Variants in UMAD1 observed in about 807,000 individuals in gnomAD.
UMAD1 encodes UBAP1-MVB12-associated (UMA) domain containing 1, also known as UBAP1-MVB12-associated (UMA)-domain containing protein 1.
Under a neutral mutation model 6.1 loss-of-function variants are expected in UMAD1, and 8 were observed. The ratio of observed to expected loss-of-function variants is 1.30; its 90% CI spans 0.76 to 2.35. The LOEUF is 2.35. Among genes scored for constraint, UMAD1 ranks in the 30% most tolerant of loss-of-function variants. The pLI is 0.00. For missense variants in UMAD1, 130 were observed against 78.4 expected (o/e 1.66, Z -2.49); for synonymous variants, 56 against 31.4 (o/e 1.78, Z -2.61).
rs116988301 is a variant in UMAD1 at position 7,680,438 on chromosome 7, A to G, written c.82+6985A>G. 7.5e-3 allele frequency among the ~76,000 whole-genome samples: 1,146 copies of G among 152,168 alleles called. 15 individuals carry two copies. The highest frequency in any genetic ancestry group is 0.011 in the Non-Finnish European group (753 of 67,992). ...CCGGTACTGTGCTATTTTAGTTACT[A>G]TAGCTTTTTAGTATAATTTGAAGTC... On this transcript the variant is annotated intron_variant, in intron 2 of 3. Coordinates refer to ENST00000682710, the MANE Select transcript of UMAD1 (RefSeq NM_001302348.2).
At chr7:7,691,026 C>G (rs1419380237) in intron 2 of UMAD1, among the ~76,000 whole-genome samples, 3 of 152,160 alleles carry the variant, frequency 2.0e-5, no homozygotes, top group Non-Finnish European at 4.4e-5. Flanking sequence ...GCATGTAGAG[C>G]TCAGCATGGT....
At chr7:7,837,667 A>G (rs1783596474) in intron 3 of UMAD1, among the ~76,000 whole-genome samples, 1 of 152,012 alleles carries the variant, frequency 6.6e-6, no homozygotes, top group Non-Finnish European at 1.5e-5. Flanking sequence ...TTAAAAAAAG[A>G]AGAGAAAAAG....
In UMAD1 at chr7:7,728,443, A is replaced by T. The variant is rs1176587828; in HGVS notation, c.82+54990A>T. On this transcript the variant is annotated intron_variant, in intron 2 of 3. Transcript: ENST00000682710. ...GGCGGATCATGAGGTCAGGAGGTTG[A>T]GACCAGCCTGACCAACATGGTGAAA... 6.6e-5 allele frequency among the ~76,000 whole-genome samples: 10 copies of T among 152,316 alleles called. 1 individual carries two copies. Among genetic ancestry groups the T allele is most frequent in the South Asian group, 6.2e-4 (3 of 4,824 alleles).
intron 3 of UMAD1, among the ~76,000 whole-genome samples, chr7:7,827,153 G>A (rs1480874958): frequency 6.7e-6 from 1 of 149,218 alleles, no homozygotes; most frequent in Non-Finnish European, 1.5e-5. Context: ...ATATATGTGT[G>A]TGTGTGTGTG....
chr7:7,870,156 A>T (rs1784308029), intron 3 of UMAD1, among the ~76,000 whole-genome samples: 1 of 152,262 alleles, frequency 6.6e-6, no homozygotes, highest in Non-Finnish European at 1.5e-5. Flanking sequence ...ATACAAACAT[A>T]TGAAAACAGC....
At chr7:7,744,501 T>G (rs977807021) in intron 2 of UMAD1, among the ~76,000 whole-genome samples, 5 of 152,132 alleles carry the variant, frequency 3.3e-5, no homozygotes, top group African/African-American at 4.8e-5. Context: ...TGCCAGACAA[T>G]TTTTCAAAGG....
At chr7:7,709,935 T>C (rs752249183) in intron 2 of UMAD1, among the ~76,000 whole-genome samples, 1 of 152,180 alleles carries the variant, frequency 6.6e-6, no homozygotes, top group Non-Finnish European at 1.5e-5. Context: ...TTCCACTCTT[T>C]AAATTCTGCT....
At chr7:7,760,011 T>C (rs1470735807) in intron 2 of UMAD1, among the ~76,000 whole-genome samples, 1 of 152,142 alleles carries the variant, frequency 6.6e-6, no homozygotes, top group Non-Finnish European at 1.5e-5. Context: ...CAATAGAATA[T>C]GGCCAAAGAG....
At chr7:7,658,627 A>T (rs1351647840) in intron 1 of UMAD1, among the ~76,000 whole-genome samples, 4 of 152,124 alleles carry the variant, frequency 2.6e-5, no homozygotes, top group Non-Finnish European at 5.9e-5. Flanking sequence ...TGATTTGTGT[A>T]TGTTGAACCA....
Position 7,643,265 on chromosome 7 carries a change from TC to T in UMAD1, c.-64+2446del, listed in dbSNP as rs1219243727. On this transcript the variant is annotated intron_variant, in intron 1 of 3. Coordinates refer to ENST00000682710, the MANE Select transcript of UMAD1 (RefSeq NM_001302348.2). ...AGACAAAAATGGTAAAGTATGATCTTCCAGGTACACTCCACCGGAAAAAGGA... is the reference window on the plus strand; with the variant it reads ...AGACAAAAATGGTAAAGTATGATCTTCAGGTACACTCCACCGGAAAAAGGA... Among the ~76,000 whole-genome samples the T allele has an allele frequency of 2.0e-5, 3 of 152,196 alleles. No homozygotes were observed. In the East Asian group the frequency reaches 5.8e-4, roughly 29 times the overall value.
intron 1 of UMAD1, among the ~76,000 whole-genome samples, chr7:7,658,968 T>G (rs540511823): frequency 4.6e-5 from 7 of 152,336 alleles, no homozygotes; most frequent in African/African-American, 1.7e-4. Context: ...TATTAATTAC[T>G]GCCTCAATTT....
intron 2 of UMAD1, among the ~76,000 whole-genome samples, chr7:7,780,854 T>C (rs1214778445): frequency 6.6e-6 from 1 of 152,210 alleles, no homozygotes; most frequent in East Asian, 1.9e-4. Flanking sequence ...CATTAATATG[T>C]TTTAAAACAT....
chr7:7,874,885 G>A (rs1428606903), intron 3 of UMAD1, among the ~76,000 whole-genome samples: 1 of 152,136 alleles, frequency 6.6e-6, no homozygotes, highest in African/African-American at 2.4e-5. Context: ...TCTGGGCGCT[G>A]GTTGCTCATG....
intron 2 of UMAD1, 117 bp from the exon 3 acceptor site, chr7:7,801,553 G>A: frequency 1.7e-6 from 1 of 604,288 alleles, no homozygotes; most frequent in South Asian, 2.1e-5. Flanking sequence ...GGGAAATAGT[G>A]GTTTCTTCCA....
intron 2 of UMAD1, among the ~76,000 whole-genome samples, chr7:7,754,389 C>T (rs1438093580): frequency 6.6e-6 from 1 of 152,106 alleles, no homozygotes; most frequent in Non-Finnish European, 1.5e-5. Context: ...TGCCTGCTTG[C>T]CATTTGCATG....
chr7:7,742,949 A>G (rs1410064613), intron 2 of UMAD1, among the ~76,000 whole-genome samples: 3 of 152,364 alleles, frequency 2.0e-5, no homozygotes, highest in Non-Finnish European at 2.9e-5. Context: ...AAAGATTTGT[A>G]TAGAAATATT....
At chr7:7,666,804 A>G (rs934675951) in intron 1 of UMAD1, among the ~76,000 whole-genome samples, 8 of 151,562 alleles carry the variant, frequency 5.3e-5, no homozygotes, top group African/African-American at 1.9e-4. Context: ...AGATGAATTT[A>G]TTTATTTATT....
chr7:7,806,684 T>C (rs1260547582), intron 3 of UMAD1, among the ~76,000 whole-genome samples: 2 of 152,226 alleles, frequency 1.3e-5, no homozygotes, highest in Non-Finnish European at 2.9e-5. Flanking sequence ...TAATTTACAT[T>C]ATTTTTGGCA....
intron 2 of UMAD1, among the ~76,000 whole-genome samples, chr7:7,707,295 A>G (rs1220622344): frequency 6.6e-6 from 1 of 152,184 alleles, no homozygotes; most frequent in African/African-American, 2.4e-5. Flanking sequence ...AAGTTACTGT[A>G]ACTCAGAAGA....
Sources: gnomAD v4.1 joint callset for allele counts (sites outside exome capture counted in the v4.1 genomes callset) on GRCh38, gnomAD v4.1.1 for gene constraint, MANE v1.5 for transcripts, NCBI Gene and HGNC (gene_info 2026-07-23, HGNC 2026-07-21) for gene names.